The following PRKG1 variants were observed in gnomAD, a reference collection of about 807,000 sequenced individuals.
PRKG1 encodes protein kinase cGMP-dependent 1.
A neutral mutation model predicts 88.1 loss-of-function variants in PRKG1; 35 were observed. That is an observed-to-expected ratio of 0.40 (90% confidence interval 0.30 to 0.53). The LOEUF is 0.53. PRKG1 is among the 20% of genes least tolerant of loss of function. The probability of loss-of-function intolerance (pLI) is 0.59; values close to 1 mark genes in which losing one functional copy is unlikely to be tolerated. For synonymous variants in PRKG1, 303 were observed against 292.5 expected (o/e 1.04, Z -0.37); for missense variants, 540 against 839.8 (o/e 0.64, Z 4.41).
chr10:51,950,171 A>T (rs1340758445), intron 5 of PRKG1, among the ~76,000 whole-genome samples: 1 of 152,220 alleles, frequency 6.6e-6, no homozygotes, highest in Non-Finnish European at 1.5e-5. Context: ...AATGCCTTTT[A>T]TTCACAAAAT....
At chr10:51,420,774 G>A (rs1838388992) in intron 2 of PRKG1, among the ~76,000 whole-genome samples, 1 of 152,274 alleles carries the variant, frequency 6.6e-6, no homozygotes, top group Admixed American at 6.5e-5. Context: ...TCACAGTTCT[G>A]CAGGCTGTGC....
chr10:52,186,108 CTG>C (rs1400412271), intron 9 of PRKG1, among the ~76,000 whole-genome samples: 2 of 152,152 alleles, frequency 1.3e-5, no homozygotes, highest in African/African-American at 4.8e-5. Flanking sequence ...AAAGAAATAA[CTG>C]AAGCTGGATA....
rs78387933 is a variant in PRKG1, at chr10:51,928,756, A to G, written c.762+21186A>G. Reference sequence around the variant, plus strand: ...GATGACAATCAAAGAGCGTTCATGCATAATTACTGTTGACCCACAAAGAGA... The same window carrying G: ...GATGACAATCAAAGAGCGTTCATGCGTAATTACTGTTGACCCACAAAGAGA... On this transcript the variant is annotated intron_variant, in intron 5 of 17. Transcript: ENST00000373980. Among the ~76,000 whole-genome samples, 902 of 152,290 alleles carry G rather than the reference A, an allele frequency of 5.9e-3. 5 individuals carry two copies. Among genetic ancestry groups the G allele is most frequent in the Non-Finnish European group, 9.6e-3 (653 of 68,028 alleles).
At chr10:51,566,863 T>C (rs1393143811) in intron 3 of PRKG1, among the ~76,000 whole-genome samples, 1 of 151,228 alleles carries the variant, frequency 6.6e-6, no homozygotes, top group African/African-American at 2.4e-5. Context: ...GGACACCCCA[T>C]TGGGAAGACA....
At chr10:51,214,490 CTT>C (rs376894121) in intron 2 of PRKG1, among the ~76,000 whole-genome samples, 3 of 145,132 alleles carry the variant, frequency 2.1e-5, no homozygotes, top group East Asian at 3.9e-4. Context: ...AAGAAAAACT[CTT>C]TTTTTTTTTG....
chr10:51,485,994 C>A (rs961966098), intron 3 of PRKG1, among the ~76,000 whole-genome samples: 1 of 152,144 alleles, frequency 6.6e-6, no homozygotes, highest in Non-Finnish European at 1.5e-5. Flanking sequence ...TAAAGATGTT[C>A]GTTACCGTCA....
intron 5 of PRKG1, among the ~76,000 whole-genome samples, chr10:52,010,989 T>A (rs1215138881): frequency 6.6e-6 from 1 of 152,220 alleles, no homozygotes; most frequent in Non-Finnish European, 1.5e-5. Flanking sequence ...CTCCTTTACT[T>A]GATTCAAGCA....
At chr10:52,050,589 C>T (rs1845966542) in intron 5 of PRKG1, among the ~76,000 whole-genome samples, 1 of 152,094 alleles carries the variant, frequency 6.6e-6, no homozygotes, top group Non-Finnish European at 1.5e-5. Context: ...TGTTACGACA[C>T]CATAAATATT....
chr10:51,256,446 T>A (rs1362597279), intron 2 of PRKG1, among the ~76,000 whole-genome samples: 1 of 152,162 alleles, frequency 6.6e-6, no homozygotes, highest in African/African-American at 2.4e-5. Flanking sequence ...TGGTCCCATG[T>A]ACTGAGATAG....
At chr10:52,102,322 T>C (rs1049268231) in intron 7 of PRKG1, among the ~76,000 whole-genome samples, 5 of 152,064 alleles carry the variant, frequency 3.3e-5, no homozygotes, top group Non-Finnish European at 4.4e-5. Context: ...AGGAGTCACA[T>C]GACGTTTAAG....
Position 52,271,526 on chromosome 10 carries a change from C to G in PRKG1, c.1313+37C>G, listed in dbSNP as rs776418693. The G allele has an allele frequency of 3.1e-6, 5 of 1,594,830 alleles. No homozygotes were observed. In the African/African-American group the frequency reaches 5.4e-5, roughly 17 times the overall value. ...ATGCCAGGGACAGACGTACCCAACT[C>G]CAAGTGACAAATCCACCACAAAACC... is the stretch of plus-strand genomic sequence containing the variant. On this transcript the variant is annotated intron_variant, in intron 11 of 17. Transcript: ENST00000373980.
intron 2 of PRKG1, among the ~76,000 whole-genome samples, chr10:51,325,926 A>G (rs1813655195): frequency 6.6e-6 from 1 of 152,168 alleles, no homozygotes; most frequent in East Asian, 1.9e-4. Flanking sequence ...AGCCAAGGAG[A>G]AAGGGGTCTC....
rs572591226 is a variant in PRKG1, at chr10:51,953,892, C to T, written c.762+46322C>T. ...GTTGTGACAATCAATATCACTGTGA[C>T]TTTGTGTTAAAGAAATTGCCCCTTT... On this transcript the variant is annotated intron_variant, in intron 5 of 17. Transcript: ENST00000373980. 1.4e-4 allele frequency among the ~76,000 whole-genome samples: 22 copies of T among 152,108 alleles called. No individual in the cohort carries two copies. The South Asian group carries it at 4.1e-3, about 29-fold the overall frequency.
At chr10:51,846,703 A>T (rs1840407893) in intron 4 of PRKG1, among the ~76,000 whole-genome samples, 1 of 152,138 alleles carries the variant, frequency 6.6e-6, no homozygotes, top group Non-Finnish European at 1.5e-5. Flanking sequence ...CTCAGCAGAG[A>T]TATCCATTCA....
intron 3 of PRKG1, among the ~76,000 whole-genome samples, chr10:51,540,881 G>T (rs537121953): frequency 1.4e-4 from 22 of 152,106 alleles, no homozygotes; most frequent in African/African-American, 5.1e-4. Flanking sequence ...ACCACTCCTG[G>T]CTAATTGTTA....
intron 2 of PRKG1, among the ~76,000 whole-genome samples, chr10:51,256,583 A>G (rs1839565944): frequency 6.6e-6 from 1 of 152,182 alleles, no homozygotes. Context: ...GAAGAGGGCC[A>G]TGATGTTTGG....
At chr10:52,171,838 C>T (rs1475671858) in intron 9 of PRKG1, among the ~76,000 whole-genome samples, 2 of 127,784 alleles carry the variant, frequency 1.6e-5, no homozygotes, top group Admixed American at 1.8e-4. Flanking sequence ...CTCTGTCGCC[C>T]AGGTCGGACT....
rs113973821 is a variant in PRKG1, at chr10:51,850,405, G to A, written c.698+45715G>A. Reference sequence around the variant, plus strand: ...TTGGCCAGGTTGGTCGCAAATTCCTGACCTCAGATGATCCACCTGCCTTGG... The same window carrying A: ...TTGGCCAGGTTGGTCGCAAATTCCTAACCTCAGATGATCCACCTGCCTTGG... On this transcript the variant is annotated intron_variant, in intron 4 of 17. Transcript: ENST00000373980. Among the ~76,000 whole-genome samples, 490 of 152,144 alleles carry A rather than the reference G, an allele frequency of 3.2e-3. 3 individuals carry two copies. Among genetic ancestry groups the A allele is most frequent in the African/African-American group, 0.011 (460 of 41,518 alleles).
chr10:51,992,369 T>G (rs928754447), intron 5 of PRKG1, among the ~76,000 whole-genome samples: 1 of 152,174 alleles, frequency 6.6e-6, no homozygotes, highest in Admixed American at 6.6e-5. Context: ...TTAACAGTTT[T>G]CATTTCCTTT....
Sources: allele counts gnomAD v4.1 joint callset (sites outside exome capture counted in the v4.1 genomes callset), GRCh38; gene constraint gnomAD v4.1.1; transcripts MANE v1.5; gene names NCBI Gene and HGNC (gene_info 2026-07-23, HGNC 2026-07-21).